The following NRXN1 variants were observed in gnomAD, a reference collection of about 807,000 sequenced individuals.
NRXN1 encodes the protein neurexin 1, also known as neurexin-1.
Under a neutral mutation model 150.9 loss-of-function variants are expected in NRXN1, and 39 were observed. That is an observed-to-expected ratio of 0.26 (90% CI 0.20 to 0.34). The LOEUF is 0.34. Ranked by LOEUF, NRXN1 falls within the 10% of genes least tolerant of loss-of-function variation. The pLI is 1.00. For missense variants in NRXN1, 1,815 were observed against 1,949.9 expected (o/e 0.93, Z 1.30); for synonymous variants, 924 against 757.0 (o/e 1.22, Z -3.62).
At chr2:50,877,840 A>G (rs1678837283) in intron 5 of NRXN1, among the ~76,000 whole-genome samples, 1 of 151,934 alleles carries the variant, frequency 6.6e-6, no homozygotes, top group Non-Finnish European at 1.5e-5. Flanking sequence ...GAAGAGTACA[A>G]AAACACAAAA....
In NRXN1 at chr2:50,329,615, G is replaced by A. The variant is rs867449469; in HGVS notation, c.3365-92645C>T. ...TGTGTGTGTGTGTGTGTGTGTGTGTGTGTATATATATATATATATATATAT... is the reference window on the plus strand; with the variant it reads ...TGTGTGTGTGTGTGTGTGTGTGTGTATGTATATATATATATATATATATAT... On this transcript the variant is annotated intron_variant, in intron 17 of 22. Coordinates refer to ENST00000401669, the MANE Select transcript of NRXN1 (RefSeq NM_001330078.2). Among the ~76,000 whole-genome samples the A allele has an allele frequency of 3.0e-3, 47 of 15,786 alleles. 2 individuals are homozygous for A. The highest frequency in any genetic ancestry group is 0.056 in the Middle Eastern group (1 of 18). 10.4% of individuals were successfully genotyped at this position (15,786 alleles called of 152,430 possible).
intron 8 of NRXN1, among the ~76,000 whole-genome samples, chr2:50,591,407 GATAGATA>G (rs1674206248): frequency 1.5e-5 from 2 of 135,368 alleles, no homozygotes; most frequent in South Asian, 4.9e-4. Context: ...TAGATAGATA[GATAGATA>G]GATAGATAGA....
chr2:50,297,025 G>A (rs2073665612), intron 17 of NRXN1, among the ~76,000 whole-genome samples: 1 of 151,698 alleles, frequency 6.6e-6, no homozygotes, highest in African/African-American at 2.4e-5. Flanking sequence ...TGGGACTACA[G>A]ATGAGTGCCA....
intron 5 of NRXN1, among the ~76,000 whole-genome samples, chr2:50,824,621 G>A (rs72837098): frequency 0.087 from 13,226 of 152,160 alleles, 696 homozygotes; most frequent in Admixed American, 0.091. Flanking sequence ...AAATAAATAC[G>A]TTGAGGCCAG....
chr2:50,456,944 T>C (rs933740041), intron 17 of NRXN1, among the ~76,000 whole-genome samples: 6 of 152,170 alleles, frequency 3.9e-5, no homozygotes, highest in Admixed American at 2.6e-4. Context: ...GTCAACACAA[T>C]TCTGAATCTT....
intron 21 of NRXN1, among the ~76,000 whole-genome samples, chr2:49,978,070 G>A (rs886864448): frequency 6.6e-6 from 1 of 152,070 alleles, no homozygotes; most frequent in Non-Finnish European, 1.5e-5. Flanking sequence ...GCAGAGCCAG[G>A]AGAATCGCTT....
At chr2:50,795,277 C>G (rs1160962433) in intron 5 of NRXN1, among the ~76,000 whole-genome samples, 4 of 152,086 alleles carry the variant, frequency 2.6e-5, no homozygotes, top group Non-Finnish European at 5.9e-5. Flanking sequence ...GTGATGCTGA[C>G]GCTTGACCCA....
intron 2 of NRXN1, among the ~76,000 whole-genome samples, chr2:50,927,737 G>T (rs1687120484): frequency 6.6e-6 from 1 of 151,826 alleles, no homozygotes; most frequent in African/African-American, 2.4e-5. Flanking sequence ...ATAAAATCAG[G>T]GAATTTAGAG....
intron 2 of NRXN1, among the ~76,000 whole-genome samples, chr2:50,931,358 T>C (rs1039167808): frequency 6.6e-6 from 1 of 152,106 alleles, no homozygotes; most frequent in Non-Finnish European, 1.5e-5. Flanking sequence ...AAGGCAAAAA[T>C]ACTTTGTGAT....
intron 22 of NRXN1, among the ~76,000 whole-genome samples, chr2:49,925,125 C>G (rs1572871494): frequency 6.6e-6 from 1 of 151,618 alleles, no homozygotes; most frequent in South Asian, 2.1e-4. Flanking sequence ...CCCTGAAATA[C>G]AAAAATTAGC....
chr2:50,678,306 T>A (rs1198141506), intron 5 of NRXN1, among the ~76,000 whole-genome samples: 1 of 152,174 alleles, frequency 6.6e-6, no homozygotes, highest in Non-Finnish European at 1.5e-5. Context: ...AAATTTTATT[T>A]CACATGCAAA....
chr2:50,710,316 G>C (rs1694993870), intron 5 of NRXN1, among the ~76,000 whole-genome samples: 1 of 152,076 alleles, frequency 6.6e-6, no homozygotes, highest in African/African-American at 2.4e-5. Context: ...ATCTTACTCA[G>C]GTAATGCATT....
intron 17 of NRXN1, among the ~76,000 whole-genome samples, chr2:50,261,068 T>C (rs538135236): frequency 6.6e-6 from 1 of 151,884 alleles, no homozygotes; most frequent in South Asian, 2.1e-4. Context: ...TCCCCCCAGA[T>C]TGATTTCAGA....
intron 18 of NRXN1, among the ~76,000 whole-genome samples, chr2:50,130,005 T>C (rs1705232962): frequency 6.6e-6 from 1 of 152,212 alleles, no homozygotes. Flanking sequence ...GACACTATGA[T>C]CAGCACATGT....
chr2:50,571,775 C>CA (rs1670701125), intron 8 of NRXN1, among the ~76,000 whole-genome samples: 1 of 151,892 alleles, frequency 6.6e-6, no homozygotes, highest in South Asian at 2.1e-4. Flanking sequence ...GTTCCTGCAA[C>CA]ACAGAGAAAA....
At chr2:50,958,523 T>A (rs1352868477) in intron 2 of NRXN1, among the ~76,000 whole-genome samples, 1 of 152,040 alleles carries the variant, frequency 6.6e-6, no homozygotes, top group African/African-American at 2.4e-5. Context: ...TTTATTGATA[T>A]TTTTATAGAA....
At chr2:50,651,830 T>C (rs138489983) in intron 5 of NRXN1, among the ~76,000 whole-genome samples, 98 of 152,160 alleles carry the variant, frequency 6.4e-4, no homozygotes, top group South Asian at 2.3e-3. Context: ...TGGTCCTAAT[T>C]AACTCCTGTT....
chr2:50,069,046 G>A (rs559175318), intron 19 of NRXN1, among the ~76,000 whole-genome samples: 28 of 152,286 alleles, frequency 1.8e-4, no homozygotes, highest in African/African-American at 6.5e-4. Context: ...AAAGCCAACA[G>A]CCCCTGCCCT....
chr2:49,947,550 C>T (rs191794990), intron 21 of NRXN1, among the ~76,000 whole-genome samples: 2 of 128,532 alleles, frequency 1.6e-5, no homozygotes, highest in East Asian at 4.5e-4. Flanking sequence ...AAGGTTCCAG[C>T]TCAGTCTCAC....
Sources: allele counts gnomAD v4.1 joint callset (sites outside exome capture counted in the v4.1 genomes callset), GRCh38; gene constraint gnomAD v4.1.1; transcripts MANE v1.5; gene names NCBI Gene and HGNC (gene_info 2026-07-23, HGNC 2026-07-21).